BBS9: variants seen among roughly 807,000 people sequenced by gnomAD.
BBS9 encodes the protein Bardet-Biedl syndrome 9.
A neutral mutation model predicts 117.7 loss-of-function variants in BBS9; 89 were observed. The ratio of observed to expected loss-of-function variants is 0.76; its 90% CI spans 0.64 to 0.90. The LOEUF (loss-of-function observed/expected upper bound fraction) is 0.90. BBS9 is among the 40% of genes least tolerant of loss of function. The probability of loss-of-function intolerance (pLI) is 0.00; values close to 1 mark genes in which losing one functional copy is unlikely to be tolerated. For synonymous variants in BBS9, 379 were observed against 370.9 expected (o/e 1.02, Z -0.25); for missense variants, 982 against 1,042.2 (o/e 0.94, Z 0.80).
chr7:33,370,674 A>G (rs565956654), intron 17 of BBS9, among the ~76,000 whole-genome samples: 6 of 152,196 alleles, frequency 3.9e-5, no homozygotes, highest in Non-Finnish European at 8.8e-5. Flanking sequence ...AAAATATGCT[A>G]TTATGTAAAT....
chr7:33,164,658 CT>C (rs931576319), intron 4 of BBS9, among the ~76,000 whole-genome samples: 6 of 151,874 alleles, frequency 4.0e-5, no homozygotes, highest in African/African-American at 1.2e-4. Context: ...GCAACCCCTG[CT>C]TTTTTTTGTT....
chr7:33,534,363 G>A lies in BBS9; in HGVS notation c.2521+187G>A, dbSNP rs1442331042. The A allele has an allele frequency of 1.1e-5, 7 of 657,334 alleles. No individual in the cohort carries two copies. In the East Asian group the frequency reaches 1.9e-4, roughly 18 times the overall value. The allele number at this position is 657,334 out of a possible 1,614,324, so 40.7% of individuals were successfully genotyped here. A position where few individuals can be genotyped will look rare whatever the true frequency, so the allele number is the denominator to read the frequency against. On this transcript the variant is annotated intron_variant, in intron 21 of 22. Coordinates refer to ENST00000242067, the MANE Select transcript of BBS9 (RefSeq NM_198428.3). ...ATAAATATCCCTGAGATATTTGCTT[G>A]CTAGACATTTCCAGAATGGTATGTC... is the stretch of plus-strand genomic sequence containing the variant.
At chr7:33,548,128 G>T (rs948616395) in intron 21 of BBS9, among the ~76,000 whole-genome samples, 1 of 152,204 alleles carries the variant, frequency 6.6e-6, no homozygotes, top group African/African-American at 2.4e-5. Context: ...TACAGGAATA[G>T]AATACCAGGG....
chr7:33,227,531 C>G (rs2128249390), intron 5 of BBS9, among the ~76,000 whole-genome samples: 1 of 152,056 alleles, frequency 6.6e-6, no homozygotes, highest in Admixed American at 6.6e-5. Flanking sequence ...TCTTTAGTGG[C>G]AATTTCTGGG....
chr7:33,429,990 C>T, intron 19 of BBS9, among the ~76,000 whole-genome samples: 1 of 152,048 alleles, frequency 6.6e-6, no homozygotes, highest in Admixed American at 6.6e-5. Context: ...GGGTCTTTTC[C>T]CCATGAAGTC....
intron 16 of BBS9, 91 bp downstream of exon 16, chr7:33,358,086 A>G: frequency 1.3e-6 from 2 of 1,485,900 alleles, no homozygotes; most frequent in Admixed American, 1.7e-5. Context: ...TGGGGTAATT[A>G]TCAGATAATT....
intron 5 of BBS9, among the ~76,000 whole-genome samples, chr7:33,223,196 A>T (rs184276472): frequency 6.6e-6 from 1 of 152,058 alleles, no homozygotes; most frequent in Non-Finnish European, 1.5e-5. Context: ...AAACTTTTAT[A>T]TATTTATTGT....
At position 33,323,486 on chromosome 7, in the gene BBS9, T is replaced by G. The variant is rs928273470; in HGVS notation, c.1017-12955T>G. ...ATTGAGTTTTTTTTAAATCATTATA[T>G]AATGACTTCCTTCGTCTCTTTTTAT... On this transcript the variant is annotated intron_variant, in intron 9 of 22. Transcript: ENST00000242067. Among the ~76,000 whole-genome samples the G allele has an allele frequency of 2.6e-5, 4 of 152,280 alleles. No individual in the cohort carries two copies. In the South Asian group the frequency reaches 6.2e-4, roughly 24 times the overall value.
At chr7:33,267,411 C>CT (rs143633455) in intron 7 of BBS9, among the ~76,000 whole-genome samples, 100 of 151,920 alleles carry the variant, frequency 6.6e-4, no homozygotes, top group Middle Eastern at 3.4e-3. Flanking sequence ...ATCTATATGT[C>CT]TGTCTAGTTT....
At chr7:33,296,831 G>A (rs1157928076) in intron 9 of BBS9, among the ~76,000 whole-genome samples, 1 of 152,086 alleles carries the variant, frequency 6.6e-6, no homozygotes, top group African/African-American at 2.4e-5. Context: ...GTTTAGGATA[G>A]GAAACCAGAT....
chr7:33,315,418 C>T (rs1024018126), intron 9 of BBS9, among the ~76,000 whole-genome samples: 18 of 152,102 alleles, frequency 1.2e-4, no homozygotes, highest in Admixed American at 1.0e-3. Context: ...TGTCTTAATT[C>T]GGAATGATCT....
At chr7:33,475,260 C>T (rs1841641309) in intron 19 of BBS9, among the ~76,000 whole-genome samples, 1 of 152,118 alleles carries the variant, frequency 6.6e-6, no homozygotes. Context: ...TTTTGTAAAA[C>T]TTAATTTACA....
chr7:33,580,720 T>C (rs1859731237), intron 21 of BBS9, among the ~76,000 whole-genome samples: 1 of 152,194 alleles, frequency 6.6e-6, no homozygotes, highest in Non-Finnish European at 1.5e-5. Context: ...ATTCATCTCT[T>C]CCAGAAATAG....
At chr7:33,463,796 A>G (rs757612048) in intron 19 of BBS9, among the ~76,000 whole-genome samples, 1 of 152,118 alleles carries the variant, frequency 6.6e-6, no homozygotes, top group Non-Finnish European at 1.5e-5. Context: ...TCACTTATGG[A>G]AATATTAAAC....
At chr7:33,429,797 C>T (rs1252722309) in intron 19 of BBS9, among the ~76,000 whole-genome samples, 2 of 151,836 alleles carry the variant, frequency 1.3e-5, no homozygotes, top group Middle Eastern at 3.2e-3. Flanking sequence ...TTAGTTTTGT[C>T]GCAGTGGTTT....
At chr7:33,155,551 T>G in intron 3 of BBS9, 87 bp from the exon 4 acceptor site, 20 of 836,932 alleles carry the variant, frequency 2.4e-5, no homozygotes, top group East Asian at 5.3e-5. Flanking sequence ...GCTGTGGTTA[T>G]GAGATCTTTT....
chr7:33,606,873 T>C (rs1239363400), downstream of BBS9, among the ~76,000 whole-genome samples: 1 of 152,150 alleles, frequency 6.6e-6, no homozygotes, highest in Non-Finnish European at 1.5e-5. Flanking sequence ...CTTTTTATTT[T>C]GCTTCAACAT....
chr7:33,315,846 C>T (rs1810382664), intron 9 of BBS9, among the ~76,000 whole-genome samples: 1 of 152,054 alleles, frequency 6.6e-6, no homozygotes, highest in South Asian at 2.1e-4. Flanking sequence ...CAAATGCATA[C>T]AAAGTAAATA....
At chr7:33,335,409 C>CT (rs1815126491) in intron 9 of BBS9, among the ~76,000 whole-genome samples, 1 of 151,864 alleles carries the variant, frequency 6.6e-6, no homozygotes, top group Non-Finnish European at 1.5e-5. Context: ...GTAGAAAATA[C>CT]TTTAAAAAAA....
Sources: allele counts gnomAD v4.1 joint callset (sites outside exome capture counted in the v4.1 genomes callset), GRCh38; gene constraint gnomAD v4.1.1; transcripts MANE v1.5; gene names NCBI Gene and HGNC (gene_info 2026-07-23, HGNC 2026-07-21).